The following TMPRSS3 variants were observed in gnomAD, a reference collection of about 807,000 sequenced individuals.
TMPRSS3 encodes transmembrane serine protease 3.
Under a neutral mutation model 59.6 loss-of-function variants are expected in TMPRSS3, and 55 were observed. The observed-to-expected ratio is 0.92, with a 90% confidence interval of 0.74 to 1.16. TMPRSS3 has a LOEUF of 1.16. Ranked by LOEUF, TMPRSS3 falls within the 50% of genes most tolerant of loss-of-function variation. The probability of loss-of-function intolerance (pLI) is 0.00; values close to 1 mark genes in which losing one functional copy is unlikely to be tolerated. For synonymous variants in TMPRSS3, 257 were observed against 237.7 expected, an observed-to-expected ratio of 1.08 and a Z score of -0.75; for missense variants, 596 against 579.4, an observed-to-expected ratio of 1.03 and a Z score of -0.29.
At chr21:42,394,484 G>A (rs922668567) in intron 2 of TMPRSS3, among the ~76,000 whole-genome samples, 4 of 152,158 alleles carry the variant, frequency 2.6e-5, no homozygotes, top group African/African-American at 9.7e-5. Context: ...GTGATTGCAA[G>A]ATTTTTTTTT....
rs138713556 is a variant in TMPRSS3, at chr21:42,395,669, CAAAAAA to C, written c.-51-207_-51-202del. ...ATAACAGAAAAGCTTCTAGAATTAG[CAAAAAA>C]AAAAAAAAAAAAAAAGTATGAACTT... On this transcript the variant is annotated intron_variant, in intron 1 of 12. Transcript: ENST00000644384. 1,651 of 243,514 alleles carry C rather than the reference CAAAAAA, an allele frequency of 6.8e-3. 23 individuals carry two copies. Among genetic ancestry groups the C allele is most frequent in the African/African-American group, 0.05 (1,460 of 29,332 alleles). 15.1% of individuals were successfully genotyped at this position (243,514 alleles called of 1,614,324 possible). A position where few individuals can be genotyped will look rare whatever the true frequency, so the allele number is the denominator to read the frequency against.
At chr21:42,383,886 G>C (rs187615527) in intron 7 of TMPRSS3, 84 bp downstream of exon 7, 74 of 1,427,922 alleles carry the variant, frequency 5.2e-5, no homozygotes, top group African/African-American at 4.8e-4. Flanking sequence ...AGAGCCCCAT[G>C]GGGGGAGAGG....
At position 42,388,348 on chromosome 21, in the gene TMPRSS3, T is replaced by G; in HGVS notation, c.446+55A>C. On this transcript the variant is annotated intron_variant, in intron 5 of 12. Coordinates refer to ENST00000644384, the MANE Select transcript of TMPRSS3 (RefSeq NM_001256317.3). This position sits in a 1 kb window ranked among gnomAD's most constrained non-coding sequence, Gnocchi z 5.1. The stretch of plus-strand genomic sequence containing the variant: ...CCAACTAAATGGTAGTTGTCTTTCT[T>G]TATTGTTATCCTCTCTGTGTTTTGC... The G allele has an allele frequency of 6.2e-7, 1 of 1,613,660 alleles. No homozygotes were observed. Among genetic ancestry groups the G allele is most frequent in the Non-Finnish European group, 8.5e-7 (1 of 1,179,548 alleles).
chr21:42,388,105 GTTT>G lies in TMPRSS3; in HGVS notation c.446+295_446+297del, dbSNP rs1157693040. ...AGGAGCTGGAGGGTTTTTTGGTTTT[GTTT>G]TTGTTTTCTACTTTGAAACTTTTTA... On this transcript the variant is annotated intron_variant, in intron 5 of 12. Coordinates refer to ENST00000644384, the MANE Select transcript of TMPRSS3 (RefSeq NM_001256317.3). This position sits in a 1 kb window ranked among gnomAD's most constrained non-coding sequence, Gnocchi z 5.1. Among the ~76,000 whole-genome samples the G allele has an allele frequency of 6.6e-6, 1 of 152,158 alleles. No individual in the cohort carries two copies. The highest frequency in any genetic ancestry group is 1.5e-5 in the Non-Finnish European group (1 of 68,010).
chr21:42,385,002 T>C (rs957121480), intron 6 of TMPRSS3, among the ~76,000 whole-genome samples: 1 of 152,038 alleles, frequency 6.6e-6, no homozygotes, highest in Admixed American at 6.5e-5. Flanking sequence ...TCTATCTTAA[T>C]TTCTGTTTTT....
rs757064799 is a variant in TMPRSS3, at chr21:42,382,146, C to G, written c.871G>C (p.Val291Leu). The stretch of plus-strand genomic sequence containing the variant: ...TTTGGCTTGTACTTGCTGTGGTAGA[C>G]AATCTTCTCCACCAAGTGGGATGGG... The part of the protein sequence containing the change: ...PAPSHLVEKI[V>L]YHSKYKPKRL... Residue 291 changes from valine to leucine, a missense_variant, in exon 9 of 13, where the codon GTC (valine) becomes CTC (leucine). Val to Leu is a conservative substitution (Grantham distance 32). Transcript: ENST00000644384. 47 of 1,614,184 alleles carry G rather than the reference C, an allele frequency of 2.9e-5. No homozygotes were observed. The East Asian group carries it at 1.0e-3, about 34-fold the overall frequency.
At chr21:42,384,804 T>C (rs1480538077) in intron 6 of TMPRSS3, among the ~76,000 whole-genome samples, 1 of 152,122 alleles carries the variant, frequency 6.6e-6, no homozygotes, top group Non-Finnish European at 1.5e-5. Flanking sequence ...TGGAATTGGA[T>C]TCAGAACTCT....
chr21:42,382,876 C>T, intron 8 of TMPRSS3, 157 bp downstream of exon 8: 1 of 866,246 alleles, frequency 1.2e-6, no homozygotes, highest in Non-Finnish European at 1.8e-6. Context: ...GATGATGGGT[C>T]CACAGTGAGG....
At chr21:42,382,763 G>T in intron 8 of TMPRSS3, 1 of 538,846 alleles carries the variant, frequency 1.9e-6, no homozygotes, top group Non-Finnish European at 3.3e-6. Context: ...CATTTTTGTG[G>T]GTTTCCTCCA....
intron 1 of TMPRSS3, 174 bp from the exon 2 acceptor site, chr21:42,395,642 A>G (rs558907630): frequency 1.9e-6 from 1 of 513,706 alleles, no homozygotes; most frequent in African/African-American, 2.0e-5. Flanking sequence ...GAGCTACAGC[A>G]GATAACAGAA....
At chr21:42,380,631 C>G (rs2052511237) in intron 9 of TMPRSS3, among the ~76,000 whole-genome samples, 1 of 152,252 alleles carries the variant, frequency 6.6e-6, no homozygotes, top group Non-Finnish European at 1.5e-5. Context: ...AGACCAGGCT[C>G]TCAGGCCAAC....
chr21:42,372,533 C>G lies in TMPRSS3; in HGVS notation c.*229G>C, dbSNP rs779356250. 13 of 668,380 alleles carry G rather than the reference C, an allele frequency of 1.9e-5. No individual in the cohort carries two copies. In the South Asian group the frequency reaches 2.0e-4, roughly 10 times the overall value. 41.4% of individuals were successfully genotyped at this position (668,380 alleles called of 1,614,324 possible). A position where few individuals can be genotyped will look rare whatever the true frequency, so the allele number is the denominator to read the frequency against. ...AGGGATTTCGCCACTGCACTCCAGC[C>G]TGGGCAACAGAGCGAGACTCCATCT... On this transcript the variant is annotated 3_prime_UTR_variant, in exon 13 of 13. Transcript: ENST00000644384.
chr21:42,391,235 G>A (rs1319952373), intron 2 of TMPRSS3, among the ~76,000 whole-genome samples: 1 of 152,128 alleles, frequency 6.6e-6, no homozygotes, highest in African/African-American at 2.4e-5. Flanking sequence ...TATAGAGATG[G>A]GGATCTCACT....
At chr21:42,373,262 G>T (rs1284497025) in intron 12 of TMPRSS3, among the ~76,000 whole-genome samples, 1 of 152,236 alleles carries the variant, frequency 6.6e-6, no homozygotes, top group Non-Finnish European at 1.5e-5. Context: ...CTGCTGGAAA[G>T]CCTCCCAGGA....
At chr21:42,374,589 G>T (rs2052388588) in intron 12 of TMPRSS3, among the ~76,000 whole-genome samples, 1 of 152,214 alleles carries the variant, frequency 6.6e-6, no homozygotes, top group Non-Finnish European at 1.5e-5. Context: ...GAAAAGTGGA[G>T]TGGGGAGTAA....
chr21:42,372,864 G>T, intron 12 of TMPRSS3, 85 bp from the exon 13 acceptor site: 1 of 1,537,812 alleles, frequency 6.5e-7, no homozygotes, highest in Non-Finnish European at 9.0e-7. Flanking sequence ...CCTGCATTTT[G>T]CCCTGTGGGA....
chr21:42,384,156 C>CAA lies in TMPRSS3; in HGVS notation c.573-145_573-144dup, dbSNP rs10670677. Reference sequence around the variant, plus strand: ...ATAGATTACAATTTTAGTCTATGTTCAAAAAAAAAAAAAACCATGAGGATG... The same window carrying CAA: ...ATAGATTACAATTTTAGTCTATGTTCAAAAAAAAAAAAAAAACCATGAGGATG... On this transcript the variant is annotated intron_variant, in intron 6 of 12. Transcript: ENST00000644384. 141,169 of 547,036 alleles carry CAA rather than the reference C, an allele frequency of 0.26. 11,927 individuals carry two copies. Among genetic ancestry groups the CAA allele is most frequent in the African/African-American group, 0.51 (25,161 of 48,972 alleles). The allele number at this position is 547,036 out of a possible 1,614,324, so 33.9% of individuals were successfully genotyped here. A position where few individuals can be genotyped will look rare whatever the true frequency, so the allele number is the denominator to read the frequency against.
intron 3 of TMPRSS3, 132 bp from the exon 4 acceptor site, chr21:42,389,177 C>A (rs2052691749): frequency 1.3e-6 from 2 of 1,526,202 alleles, no homozygotes; most frequent in Non-Finnish European, 1.8e-6. Context: ...GCGTCCCTGT[C>A]AGCAGCCTGT....
intron 10 of TMPRSS3, among the ~76,000 whole-genome samples, chr21:42,377,030 C>G (rs375034957): frequency 6.6e-6 from 1 of 152,198 alleles, no homozygotes; most frequent in African/African-American, 2.4e-5. Context: ...CATCAGAACA[C>G]CCCAGGTTAT....
Sources: allele counts gnomAD v4.1 joint callset (sites outside exome capture counted in the v4.1 genomes callset), GRCh38; gene constraint gnomAD v4.1.1; non-coding constraint Gnocchi (gnomAD v3.1); transcripts MANE v1.5; gene names NCBI Gene and HGNC (gene_info 2026-07-23, HGNC 2026-07-21).